NDUFAF2: variants seen among roughly 807,000 people sequenced by gnomAD.
NDUFAF2 encodes NADH dehydrogenase [ubiquinone] 1 alpha subcomplex assembly factor 2.
In NDUFAF2, 13 loss-of-function variants were observed where a neutral mutation model predicts 22.8. That is an observed-to-expected ratio of 0.57 (90% CI 0.37 to 0.91). The LOEUF is 0.91. NDUFAF2 is among the 40% of genes least tolerant of loss of function. The pLI, the probability that NDUFAF2 is intolerant of heterozygous loss-of-function variation, is 0.01. For synonymous variants in NDUFAF2, 53 were observed against 64.2 expected, an observed-to-expected ratio of 0.83 and a Z score of 0.84; for missense variants, 162 against 195.2, an observed-to-expected ratio of 0.83 and a Z score of 1.01.
chr5:61,034,501 C>A (rs1001116450), intron 1 of NDUFAF2, among the ~76,000 whole-genome samples: 1 of 152,064 alleles, frequency 6.6e-6, no homozygotes, highest in Non-Finnish European at 1.5e-5. Flanking sequence ...TCTTACAGGA[C>A]CACTGTCATA....
At chr5:61,069,663 T>A (rs1206815270) in intron 1 of NDUFAF2, among the ~76,000 whole-genome samples, 1 of 152,168 alleles carries the variant, frequency 6.6e-6, no homozygotes, top group Non-Finnish European at 1.5e-5. Flanking sequence ...TTCCCATATC[T>A]GTGTCCAGGG....
At chr5:61,042,239 CATG>C (rs1751893007) in intron 1 of NDUFAF2, among the ~76,000 whole-genome samples, 1 of 151,984 alleles carries the variant, frequency 6.6e-6, no homozygotes, top group South Asian at 2.1e-4. Context: ...TATAAACTCA[CATG>C]ATCATTATTA....
intron 3 of NDUFAF2, among the ~76,000 whole-genome samples, chr5:61,101,131 T>C (rs796793878): frequency 6.6e-6 from 1 of 152,050 alleles, no homozygotes; most frequent in Admixed American, 6.6e-5. Context: ...GAGGAAAAAA[T>C]TTTTCTTAAT....
intron 1 of NDUFAF2, among the ~76,000 whole-genome samples, chr5:60,979,877 G>A (rs955103712): frequency 6.6e-6 from 1 of 152,142 alleles, no homozygotes; most frequent in Admixed American, 6.5e-5. Flanking sequence ...CGTGTGTGCT[G>A]GCTTTCAATC....
intron 3 of NDUFAF2, among the ~76,000 whole-genome samples, chr5:61,118,204 A>G (rs1387225746): frequency 6.6e-6 from 1 of 152,132 alleles, no homozygotes; most frequent in Non-Finnish European, 1.5e-5. Context: ...CTTGCCTTGC[A>G]GTTTAAAAAT....
intron 1 of NDUFAF2, among the ~76,000 whole-genome samples, chr5:60,949,901 G>A (rs966005530): frequency 6.6e-6 from 1 of 152,034 alleles, no homozygotes; most frequent in Non-Finnish European, 1.5e-5. Context: ...TTATATTGAA[G>A]TACAATAGAT....
chr5:61,099,782 C>T (rs896998608), intron 3 of NDUFAF2, among the ~76,000 whole-genome samples: 1 of 152,032 alleles, frequency 6.6e-6, no homozygotes, highest in African/African-American at 2.4e-5. Flanking sequence ...GAGGCATTCC[C>T]TTTCTTCTAC....
intron 1 of NDUFAF2, among the ~76,000 whole-genome samples, chr5:60,988,030 T>C (rs1328564161): frequency 6.6e-6 from 1 of 152,148 alleles, no homozygotes. Flanking sequence ...AACCCCATAC[T>C]CCTGGCCAAA....
chr5:61,028,962 G>T (rs1751690207), intron 1 of NDUFAF2, among the ~76,000 whole-genome samples: 1 of 150,502 alleles, frequency 6.6e-6, no homozygotes, highest in African/African-American at 2.5e-5. Context: ...CTTACTCTTT[G>T]CAGTCTTGTG....
At chr5:60,967,657 A>G (rs1366509953) in intron 1 of NDUFAF2, among the ~76,000 whole-genome samples, 2 of 151,772 alleles carry the variant, frequency 1.3e-5, no homozygotes, top group African/African-American at 2.4e-5. Flanking sequence ...ATTGGTGTAC[A>G]TTGGCAAACC....
chr5:61,111,415 G>A (rs1014298074), intron 3 of NDUFAF2, among the ~76,000 whole-genome samples: 3 of 151,928 alleles, frequency 2.0e-5, no homozygotes, highest in Non-Finnish European at 2.9e-5. Flanking sequence ...GTGGGATGTT[G>A]AAGTCTCCAG....
intron 2 of NDUFAF2, among the ~76,000 whole-genome samples, chr5:61,086,182 TTAAA>T (rs1353418227): frequency 6.6e-5 from 10 of 151,874 alleles, no homozygotes; most frequent in African/African-American, 1.9e-4. Flanking sequence ...TAAAGAAGAC[TTAAA>T]TAGAGAGATG....
intron 1 of NDUFAF2, among the ~76,000 whole-genome samples, chr5:61,013,163 A>G (rs1751461562): frequency 6.6e-6 from 1 of 152,146 alleles, no homozygotes; most frequent in African/African-American, 2.4e-5. Context: ...AGAAGTTGAG[A>G]AAATTATTGA....
chr5:61,046,509 A>G (rs1417314574), intron 1 of NDUFAF2, among the ~76,000 whole-genome samples: 1 of 151,972 alleles, frequency 6.6e-6, no homozygotes, highest in Admixed American at 6.6e-5. Flanking sequence ...TACTTTTTCC[A>G]TGATTTAGTC....
chr5:61,015,010 G>A (rs1751487719), intron 1 of NDUFAF2, among the ~76,000 whole-genome samples: 1 of 152,086 alleles, frequency 6.6e-6, no homozygotes, highest in Non-Finnish European at 1.5e-5. Context: ...AAATAATAAT[G>A]CAGAATTTTT....
At chr5:61,029,203 C>G (rs1580102465) in intron 1 of NDUFAF2, among the ~76,000 whole-genome samples, 1 of 152,244 alleles carries the variant, frequency 6.6e-6, no homozygotes, top group East Asian at 1.9e-4. Context: ...ATAGGATAGG[C>G]TATACATGTA....
intron 1 of NDUFAF2, among the ~76,000 whole-genome samples, chr5:61,057,865 C>G (rs534726990): frequency 1.3e-5 from 2 of 152,038 alleles, no homozygotes; most frequent in Non-Finnish European, 1.5e-5. Flanking sequence ...CAGAATGTTT[C>G]TATTTATTAG....
At chr5:61,074,748 G>A (rs6870631) in intron 2 of NDUFAF2, among the ~76,000 whole-genome samples, 4,981 of 152,178 alleles carry the variant, frequency 0.033, 302 homozygotes, top group African/African-American at 0.11. Context: ...CAACAAGAGC[G>A]AAACTCCGTC....
intron 1 of NDUFAF2, among the ~76,000 whole-genome samples, chr5:60,952,044 T>A (rs1750554647): frequency 6.6e-6 from 1 of 151,548 alleles, no homozygotes; most frequent in South Asian, 2.1e-4. Flanking sequence ...TTTTTAATGT[T>A]TGTACAATTT....
Sources: gnomAD v4.1 joint callset for allele counts (sites outside exome capture counted in the v4.1 genomes callset) on GRCh38, gnomAD v4.1.1 for gene constraint, MANE v1.5 for transcripts, NCBI Gene and HGNC (gene_info 2026-07-23, HGNC 2026-07-21) for gene names.